FLNB: variants seen among roughly 807,000 people sequenced by gnomAD.
FLNB encodes filamin-B.
In FLNB, 111 loss-of-function variants were observed where a neutral mutation model predicts 250.6. The ratio of observed to expected loss-of-function variants is 0.44; its 90% CI spans 0.38 to 0.52. The LOEUF is 0.52. FLNB is among the 20% of genes least tolerant of loss of function. The pLI, the probability that FLNB is intolerant of heterozygous loss-of-function variation, is 0.00. For missense variants in FLNB, 2,869 were observed against 3,447.8 expected, an observed-to-expected ratio of 0.83 and a Z score of 4.20; for synonymous variants, 1,302 against 1,372.1, an observed-to-expected ratio of 0.95 and a Z score of 1.13.
chr3:58,053,650 G>T (rs2106850639), intron 1 of FLNB, among the ~76,000 whole-genome samples: 1 of 152,044 alleles, frequency 6.6e-6, no homozygotes, highest in Admixed American at 6.5e-5. Context: ...TTTTAGTAGA[G>T]ACAGGGTTTC....
At chr3:58,053,450 C>G (rs995927580) in intron 1 of FLNB, among the ~76,000 whole-genome samples, 2 of 152,094 alleles carry the variant, frequency 1.3e-5, no homozygotes, top group Admixed American at 1.3e-4. Context: ...CAAATATAAG[C>G]AAAAACAAAA....
rs372496761 is a variant in FLNB, at chr3:58,067,556, C to A, written c.293-9490C>A. On this transcript the variant is annotated intron_variant, in intron 1 of 45. Transcript: ENST00000295956. ...AGAACATCCCCACATTATAGTTTAACCACTGTAACAAAGAGGTTTTTTTTG... is the reference window on the plus strand; with the variant it reads ...AGAACATCCCCACATTATAGTTTAAACACTGTAACAAAGAGGTTTTTTTTG... 9.9e-5 allele frequency among the ~76,000 whole-genome samples: 15 copies of A among 152,000 alleles called. No individual in the cohort carries two copies. In the East Asian group the frequency reaches 2.7e-3, roughly 28 times the overall value.
chr3:58,125,697 A>G lies in FLNB; in HGVS notation c.4015A>G (p.Lys1339Glu), dbSNP rs2107184731. The G allele has an allele frequency of 1.5e-5, 25 of 1,614,176 alleles. No individual in the cohort carries two copies. The highest frequency in any genetic ancestry group is 2.1e-5 in the Non-Finnish European group (25 of 1,180,028). Residue 1339 changes from lysine to glutamate, a missense_variant, in exon 23 of 46, where the codon AAA becomes GAA. Lys to Glu is a moderately conservative substitution (Grantham distance 56). Around this residue, in one of 5 missense-constraint regions of FLNB, gnomAD observed 1,348 missense variants for 1,466.7 expected, o/e 0.92. Transcript: ENST00000295956. ...SRVQAQGPGL[K>E]EAFTNKPNVF... ...GGTGCAAGCCCAAGGACCTGGATTG[A>G]AAGAGGCCTTTACCAACAAGCCCAA... is the stretch of plus-strand genomic sequence containing the variant.
chr3:58,117,286 C>A (rs1403419168), intron 18 of FLNB, among the ~76,000 whole-genome samples: 1 of 151,982 alleles, frequency 6.6e-6, no homozygotes, highest in Non-Finnish European at 1.5e-5. Flanking sequence ...AGATTTTTTC[C>A]CTCCCCCTTC....
At chr3:58,010,892 C>T (rs1422806506) in intron 1 of FLNB, among the ~76,000 whole-genome samples, 1 of 151,862 alleles carries the variant, frequency 6.6e-6, no homozygotes, top group Non-Finnish European at 1.5e-5. Context: ...TTACATGGTT[C>T]TCCTGATTCC....
chr3:58,108,917 CA>C lies in FLNB; in HGVS notation c.2056-259del, dbSNP rs144311871. ...TTTATTTAATCTAATTGAATTTGGC[CA>C]AAGGACTTAAATGCAGGAATTGAGT... On this transcript the variant is annotated intron_variant, in intron 13 of 45. Transcript: ENST00000295956. 7.8e-3 allele frequency among the ~76,000 whole-genome samples: 1,181 copies of C among 152,226 alleles called. 6 individuals are homozygous for C. Among genetic ancestry groups the C allele is most frequent in the Non-Finnish European group, 0.013 (887 of 68,036 alleles).
At position 58,146,676 on chromosome 3, in the gene FLNB, T is replaced by A; in HGVS notation, c.5555-144T>A. 2 of 796,464 alleles carry A rather than the reference T, an allele frequency of 2.5e-6. 1 individual carries two copies. Among genetic ancestry groups the A allele is most frequent in the South Asian group, 3.0e-5 (2 of 66,298 alleles). The allele number at this position is 796,464 out of a possible 1,614,324, so 49.3% of individuals were successfully genotyped here. A position where few individuals can be genotyped will look rare whatever the true frequency, so the allele number is the denominator to read the frequency against. On this transcript the variant is annotated intron_variant, in intron 33 of 45. Transcript: ENST00000295956. ...GCGTGGACTGCTTCATTCTGACAGATGTCCCTTTGCCCACAGCTCACGTGG... is the reference window on the plus strand; with the variant it reads ...GCGTGGACTGCTTCATTCTGACAGAAGTCCCTTTGCCCACAGCTCACGTGG...
intron 10 of FLNB, 64 bp downstream of exon 10, chr3:58,104,149 TA>T: frequency 6.3e-7 from 1 of 1,578,670 alleles, no homozygotes; most frequent in Admixed American, 1.7e-5. Context: ...GACTCATGGG[TA>T]GTTGCTTCCC....
In FLNB at chr3:58,008,810, G is replaced by C. The variant is rs780155723; in HGVS notation, c.246G>C (p.Val82=). 22 of 1,613,860 alleles carry C rather than the reference G, an allele frequency of 1.4e-5. No homozygotes were observed. The East Asian group carries it at 4.7e-4, about 34-fold the overall frequency. The change falls in exon 1 of 46, where the codon GTG becomes GTC. Residue 82 remains valine, a synonymous_variant. Coordinates refer to ENST00000295956, the MANE Select transcript of FLNB (RefSeq NM_001457.4). The stretch of plus-strand genomic sequence containing the variant: ...AGATGCAGCTCGAGAATGTGTCCGT[G>C]GCGCTCGAGTTCCTGGACCGTGAGA... ...FRQMQLENVS[V]ALEFLDRESI... is the part of the protein sequence containing the mutation.
chr3:58,111,926 G>A (rs371294032), intron 17 of FLNB, 45 bp downstream of exon 17: 2 of 1,484,094 alleles, frequency 1.3e-6, no homozygotes, highest in African/African-American at 2.8e-5. Context: ...CTGCCAGCCG[G>A]TGGCACTGGG....
chr3:58,052,643 G>C (rs2097164229), intron 1 of FLNB, among the ~76,000 whole-genome samples: 1 of 152,234 alleles, frequency 6.6e-6, no homozygotes, highest in Non-Finnish European at 1.5e-5. Flanking sequence ...GTGGATGGCA[G>C]GTTGTCATCT....
At chr3:58,154,268 C>T (rs1010610073) in intron 39 of FLNB, among the ~76,000 whole-genome samples, 4 of 151,270 alleles carry the variant, frequency 2.6e-5, no homozygotes, top group Non-Finnish European at 5.9e-5. Context: ...CAGGGCTGGG[C>T]GTGGTGGCTC....
chr3:58,014,695 AG>A (rs985105249), intron 1 of FLNB, among the ~76,000 whole-genome samples: 6 of 152,046 alleles, frequency 3.9e-5, no homozygotes, highest in Non-Finnish European at 5.9e-5. Context: ...TGCCTCCAGT[AG>A]CTCCATGGTC....
chr3:58,146,464 G>A (rs1041432020), intron 33 of FLNB, among the ~76,000 whole-genome samples: 10 of 152,318 alleles, frequency 6.6e-5, no homozygotes, highest in African/African-American at 2.4e-4. Context: ...CGTGATGGCA[G>A]CCAGTGCCTG....
intron 1 of FLNB, among the ~76,000 whole-genome samples, chr3:58,072,451 C>T (rs899999649): frequency 6.6e-6 from 1 of 152,158 alleles, no homozygotes; most frequent in Non-Finnish European, 1.5e-5. Flanking sequence ...TTACCCTCGG[C>T]GTAAACATTG....
intron 1 of FLNB, among the ~76,000 whole-genome samples, chr3:58,014,019 A>G (rs2097102428): frequency 6.6e-6 from 1 of 152,188 alleles, no homozygotes; most frequent in Non-Finnish European, 1.5e-5. Context: ...TAAAATGGGG[A>G]TAATAACTAC....
intron 1 of FLNB, among the ~76,000 whole-genome samples, chr3:58,023,265 A>G (rs2097117124): frequency 6.6e-6 from 1 of 151,756 alleles, no homozygotes; most frequent in South Asian, 2.1e-4. Context: ...TGCCCAGCTA[A>G]TTTTTGTATT....
chr3:58,103,633 T>C (rs1474999663), intron 9 of FLNB, among the ~76,000 whole-genome samples: 3 of 152,158 alleles, frequency 2.0e-5, no homozygotes, highest in Non-Finnish European at 4.4e-5. Context: ...TATTGGGAAA[T>C]ACTGAAATGT....
intron 1 of FLNB, among the ~76,000 whole-genome samples, chr3:58,016,991 AAAC>A (rs2097106670): frequency 6.6e-6 from 1 of 152,226 alleles, no homozygotes; most frequent in East Asian, 1.9e-4. Flanking sequence ...ATTGTATAAT[AAAC>A]AACAATACTT....
Sources: gnomAD v4.1 joint callset for allele counts (sites outside exome capture counted in the v4.1 genomes callset) on GRCh38, gnomAD v4.1.1 for gene constraint, gnomAD v4.1.1 regional missense constraint, MANE v1.5 for transcripts, NCBI Gene and HGNC (gene_info 2026-07-23, HGNC 2026-07-21) for gene names.